Variants in ADGRL3 observed in about 807,000 individuals in gnomAD.
ADGRL3 encodes the protein adhesion G protein-coupled receptor L3.
In ADGRL3, 62 loss-of-function variants were observed where a neutral mutation model predicts 153.5. That is an observed-to-expected ratio of 0.40 (90% CI 0.33 to 0.50). ADGRL3 has a LOEUF of 0.50. ADGRL3 is among the 20% of genes least tolerant of loss of function. ADGRL3 has a pLI of 0.47. For synonymous variants in ADGRL3, 710 were observed against 672.5 expected (o/e 1.06, Z -0.86); for missense variants, 1,641 against 1,859.4 (o/e 0.88, Z 2.16).
At chr4:61,274,607 GT>G (rs912429219) in intron 1 of ADGRL3, among the ~76,000 whole-genome samples, 1 of 152,174 alleles carries the variant, frequency 6.6e-6, no homozygotes, top group African/African-American at 2.4e-5. Flanking sequence ...TTCTGTGTTT[GT>G]TTTTTTGGTT....
At chr4:62,013,474 G>A (rs1347985167) in intron 21 of ADGRL3, among the ~76,000 whole-genome samples, 4 of 151,866 alleles carry the variant, frequency 2.6e-5, no homozygotes, top group Non-Finnish European at 4.4e-5. Flanking sequence ...CCTGGGAGGC[G>A]GAGGTTGCAG....
intron 1 of ADGRL3, among the ~76,000 whole-genome samples, chr4:61,279,358 C>A (rs760754362): frequency 2.0e-5 from 3 of 152,116 alleles, no homozygotes; most frequent in Non-Finnish European, 4.4e-5. Context: ...ATGCTAGGTT[C>A]TCTGAATAAG....
chr4:61,257,672 T>G lies in ADGRL3; in HGVS notation c.-240+55907T>G, dbSNP rs970801522. Among the ~76,000 whole-genome samples, 5 of 152,158 alleles carry G rather than the reference T, an allele frequency of 3.3e-5. No individual in the cohort carries two copies. In the East Asian group the frequency reaches 9.6e-4, roughly 29 times the overall value. ...CCCCCAAAACCCAATATGGATGTGT[T>G]TTGGTAGATATGATGAGTAACAGTT... is the stretch of plus-strand genomic sequence containing the variant. On this transcript the variant is annotated intron_variant, in intron 1 of 26. Transcript: ENST00000683033.
At chr4:61,674,834 C>T (rs1031376443) in intron 5 of ADGRL3, among the ~76,000 whole-genome samples, 3 of 151,862 alleles carry the variant, frequency 2.0e-5, no homozygotes, top group African/African-American at 4.8e-5. Flanking sequence ...CTTTGTAATA[C>T]GAAAGATCTA....
intron 8 of ADGRL3, among the ~76,000 whole-genome samples, chr4:61,780,995 TA>T (rs1204961544): frequency 1.3e-5 from 2 of 152,178 alleles, no homozygotes; most frequent in East Asian, 1.9e-4. Flanking sequence ...AAAGGGACTC[TA>T]AAAACATATC....
At chr4:61,695,343 A>T (rs181958059) in intron 6 of ADGRL3, among the ~76,000 whole-genome samples, 10 of 152,326 alleles carry the variant, frequency 6.6e-5, no homozygotes, top group African/African-American at 2.4e-4. Flanking sequence ...CATGAAAACA[A>T]CATTAATGTC....
At chr4:61,852,219 CTATT>C (rs1459586499) in intron 9 of ADGRL3, among the ~76,000 whole-genome samples, 1 of 152,054 alleles carries the variant, frequency 6.6e-6, no homozygotes, top group Non-Finnish European at 1.5e-5. Context: ...TTGCATTTAA[CTATT>C]TAGTAAAATA....
chr4:61,758,100 G>C (rs955121249), intron 8 of ADGRL3, among the ~76,000 whole-genome samples: 3 of 152,170 alleles, frequency 2.0e-5, no homozygotes, highest in African/African-American at 7.2e-5. Flanking sequence ...ATATTCTATT[G>C]ATTTGGGATG....
intron 1 of ADGRL3, among the ~76,000 whole-genome samples, chr4:61,255,254 C>T (rs2091848846): frequency 6.6e-6 from 1 of 152,188 alleles, no homozygotes; most frequent in Non-Finnish European, 1.5e-5. Flanking sequence ...TGAAGCAAAT[C>T]TTATGGCCAG....
intron 4 of ADGRL3, 27 bp downstream of exon 4, chr4:61,517,545 C>T: frequency 4.3e-6 from 3 of 698,072 alleles, no homozygotes; most frequent in Non-Finnish European, 7.8e-6. Context: ...GGAGAGAGGG[C>T]TGGGGGTGGC....
intron 21 of ADGRL3, among the ~76,000 whole-genome samples, chr4:62,011,944 T>C (rs1000674609): frequency 2.0e-5 from 3 of 152,098 alleles, no homozygotes; most frequent in Non-Finnish European, 4.4e-5. Context: ...CATTTTTTTT[T>C]CCTAACATAG....
At chr4:61,630,515 C>T (rs2093096164) in intron 5 of ADGRL3, among the ~76,000 whole-genome samples, 1 of 152,204 alleles carries the variant, frequency 6.6e-6, no homozygotes, top group South Asian at 2.1e-4. Context: ...TTATCTTCCT[C>T]TCACTCTTTC....
In ADGRL3 at chr4:61,428,894, C is replaced by CATCTATCT. The variant is rs5858699; in HGVS notation, c.-174+45746_-174+45753dup. ...ATCTATATCATCTATCTATCTATAT[C>CATCTATCT]ATCTATCTATCTATCTATCTATCTA... is the stretch of plus-strand genomic sequence containing the variant. On this transcript the variant is annotated intron_variant, in intron 2 of 26. Coordinates refer to ENST00000683033, the MANE Select transcript of ADGRL3 (RefSeq NM_001387552.1). Among the ~76,000 whole-genome samples, 306 of 98,360 alleles carry CATCTATCT rather than the reference C, an allele frequency of 3.1e-3. 1 individual carries two copies. Among genetic ancestry groups the CATCTATCT allele is most frequent in the Middle Eastern group, 6.3e-3 (1 of 158 alleles). The allele number at this position is 98,360 out of a possible 152,430, so 64.5% of individuals were successfully genotyped here.
chr4:61,731,401 T>TA (rs1232548119), intron 7 of ADGRL3, among the ~76,000 whole-genome samples: 1 of 152,032 alleles, frequency 6.6e-6, no homozygotes, highest in East Asian at 1.9e-4. Context: ...CTTTAATCAT[T>TA]AAAAAAGGGT....
chr4:61,912,085 A>C (rs1463597413), intron 12 of ADGRL3, among the ~76,000 whole-genome samples: 1 of 152,192 alleles, frequency 6.6e-6, no homozygotes, highest in Non-Finnish European at 1.5e-5. Flanking sequence ...TTTGGTCAAA[A>C]CTGTCAAAAT....
intron 4 of ADGRL3, among the ~76,000 whole-genome samples, chr4:61,531,231 T>C (rs1390523829): frequency 1.3e-5 from 2 of 152,138 alleles, no homozygotes; most frequent in African/African-American, 4.8e-5. Flanking sequence ...TGAATCTTGG[T>C]AAAAATAATT....
intron 5 of ADGRL3, among the ~76,000 whole-genome samples, chr4:61,612,287 C>T (rs140582473): frequency 8.9e-4 from 136 of 152,200 alleles, no homozygotes; most frequent in Non-Finnish European, 1.7e-3. Context: ...TTTTATCAAA[C>T]GAATCATTTA....
chr4:61,985,915 A>AC (rs1425935321), intron 19 of ADGRL3, among the ~76,000 whole-genome samples: 2 of 150,534 alleles, frequency 1.3e-5, no homozygotes, highest in South Asian at 2.1e-4. Flanking sequence ...AGTAAAAAAA[A>AC]AAAACAAAAA....
chr4:61,519,540 A>G (rs973999403), intron 4 of ADGRL3, among the ~76,000 whole-genome samples: 8 of 152,202 alleles, frequency 5.3e-5, no homozygotes, highest in Non-Finnish European at 1.0e-4. Context: ...TATCAAGGAG[A>G]CAGAGAATAA....
Sources: allele counts gnomAD v4.1 joint callset (sites outside exome capture counted in the v4.1 genomes callset), GRCh38; gene constraint gnomAD v4.1.1; transcripts MANE v1.5; gene names NCBI Gene and HGNC (gene_info 2026-07-23, HGNC 2026-07-21).